Variants in PPP1R10 observed in about 807,000 individuals in gnomAD.
The protein encoded by PPP1R10 is protein phosphatase 1 regulatory subunit 10.
In PPP1R10, 15 loss-of-function variants were observed where a neutral mutation model predicts 99.0. The ratio of observed to expected loss-of-function variants is 0.15; its 90% CI spans 0.10 to 0.23. The LOEUF is 0.23. Among genes scored for constraint, PPP1R10 ranks in the 10% least tolerant of loss-of-function variants. PPP1R10 has a pLI of 1.00. For synonymous variants in PPP1R10, 430 were observed against 449.5 expected (o/e 0.96, Z 0.55); for missense variants, 947 against 1,259.4 (o/e 0.75, Z 3.75).
rs1345019262 is a variant in PPP1R10 at position 30,616,513 on chromosome 6, CA to C, written c.-48del. ...TTTTGCGACGTCAGCACCTCGGGCT[CA>C]GGGGGGAGGGGGTAAAATTTTGGAG... On this transcript the variant is annotated 5_prime_UTR_variant, in exon 2 of 20. Coordinates refer to ENST00000376511, the MANE Select transcript of PPP1R10 (RefSeq NM_002714.4). 2 of 152,288 alleles carry C rather than the reference CA, an allele frequency of 1.3e-5. No homozygotes were observed. Among genetic ancestry groups the C allele is most frequent in the South Asian group, 2.1e-4 (1 of 4,818 alleles). The allele number at this position is 152,288 out of a possible 1,614,324, so 9.4% of individuals were successfully genotyped here.
rs1264423 is a variant in PPP1R10 at position 30,603,694 on chromosome 6, T to C, written c.1573-28A>G. The C allele has an allele frequency of 0.55, 855,093 of 1,567,946 alleles. 241,630 individuals are homozygous for C. Among genetic ancestry groups the C allele is most frequent in the African/African-American group, 0.81 (58,588 of 72,684 alleles). Reference sequence around the variant, plus strand: ...GAAAGAAGAACAAAAAAAATCAGGATTGACAGAACAGAGACATTCTCATAT... The same window carrying C: ...GAAAGAAGAACAAAAAAAATCAGGACTGACAGAACAGAGACATTCTCATAT... On this transcript the variant is annotated intron_variant, in intron 15 of 19. Transcript: ENST00000376511.
chr6:30,611,092 T>C (rs1804505985), intron 2 of PPP1R10, among the ~76,000 whole-genome samples: 4 of 152,202 alleles, frequency 2.6e-5, no homozygotes, highest in Admixed American at 2.6e-4. Context: ...GCAGATTCCT[T>C]GAGCGCAGGA....
rs768684684 is a variant in PPP1R10, at chr6:30,601,965, C to T, written c.2684G>A (p.Gly895Glu). The T allele has an allele frequency of 6.0e-6, 9 of 1,512,150 alleles. No homozygotes were observed. The highest frequency in any genetic ancestry group is 8.0e-6 in the Non-Finnish European group (9 of 1,131,432). The allele number at this position is 1,512,150 out of a possible 1,614,324, so 93.7% of individuals were successfully genotyped here. The change falls in exon 19 of 20, where the codon GGG becomes GAG. Residue 895 changes from glycine to glutamate, a missense_variant. Gly to Glu is a moderately conservative substitution (Grantham distance 98). This residue lies in a region of PPP1R10 where 525 missense variants were observed against 578.8 expected (regional missense o/e 0.91). Transcript: ENST00000376511. ...TCCATGGCTGTGGCCTCCATCGTGC[C>T]CTCGGTGGCCCCCTCCCCCGTGGCC... ...GPGHGGGGHR[G>E]HDGGHSHGGD...
At chr6:30,612,086 A>G (rs961288321) in intron 2 of PPP1R10, among the ~76,000 whole-genome samples, 2 of 152,226 alleles carry the variant, frequency 1.3e-5, no homozygotes, top group Non-Finnish European at 2.9e-5. Context: ...TAAGCAATCA[A>G]GAGACTAAGA....
At position 30,606,359 on chromosome 6, in the gene PPP1R10, G is replaced by A. The variant is rs1257818022; in HGVS notation, c.634+109C>T. 6.4e-7 allele frequency: 1 copy of A among 1,568,032 alleles called. No individual in the cohort carries two copies. The highest frequency in any genetic ancestry group is 1.4e-5 in the African/African-American group (1 of 73,724). On this transcript the variant is annotated intron_variant, in intron 8 of 19. Coordinates refer to ENST00000376511, the MANE Select transcript of PPP1R10 (RefSeq NM_002714.4). This position sits in a 1 kb window ranked among gnomAD's most constrained non-coding sequence, Gnocchi z 6.3. ...CTTGTAACCAAAGCTTCCTCTGCTA[G>A]TCTTCCCTCTTCCTTACGATTAACA...
rs762610287 is a variant in PPP1R10, at chr6:30,608,855, G to A, written c.254C>T (p.Thr85Ile). Residue 85 changes from threonine (T) to isoleucine (I), a missense_variant, in exon 5 of 20, where the codon ACC becomes ATC. Coordinates refer to ENST00000376511, the MANE Select transcript of PPP1R10 (RefSeq NM_002714.4). Reference protein sequence around the residue: ...LNNWLTYSKTTNNIPLLQQIL... With the variant: ...LNNWLTYSKTINNIPLLQQIL... ...TTGCTGGAGGAGGGGAATGTTGTTG[G>A]TTGTCTTTGAATACGTCAGCCAATT... The A allele has an allele frequency of 5.6e-6, 9 of 1,614,030 alleles. No individual in the cohort carries two copies. The African/African-American group carries it at 1.1e-4, about 19-fold the overall frequency.
In PPP1R10 at chr6:30,603,592, T is replaced by C; in HGVS notation, c.1647A>G (p.Ala549=). The change falls in exon 16 of 20, where the codon GCA becomes GCG. Residue 549 remains alanine, a synonymous_variant. Coordinates refer to ENST00000376511, the MANE Select transcript of PPP1R10 (RefSeq NM_002714.4). The stretch of plus-strand genomic sequence containing the variant: ...GAACTGGAGGCAACTTGGAGCCTCC[T>C]GCCCCATCAGGTGAGCCACCTGACC... ...PGGSGGSPDG[A]GGSKLPPVLA... 6.2e-7 allele frequency: 1 copy of C among 1,614,058 alleles called. No individual in the cohort carries two copies. The highest frequency in any genetic ancestry group is 8.5e-7 in the Non-Finnish European group (1 of 1,179,988).
Position 30,602,432 on chromosome 6 carries a change from C to CCCTCGTCCATTTGGGGGTCCT in PPP1R10, c.2196_2216dup (p.Pro735_Pro741dup). On this transcript the variant is annotated inframe_insertion, in exon 19 of 20. Transcript: ENST00000376511. This position sits in a 1 kb window ranked among gnomAD's most constrained non-coding sequence, Gnocchi z 6.7. ...CTCCAACCATGCCCCCACCAGGGCC[C>CCCTCGTCCATTTGGGGGTCCT]CCTCGTCCATTTGGGGGTCCTCCTC... is the stretch of plus-strand genomic sequence containing the variant. 1 of 1,606,236 alleles carries CCCTCGTCCATTTGGGGGTCCT rather than the reference C, an allele frequency of 6.2e-7. No individual in the cohort carries two copies. The highest frequency in any genetic ancestry group is 1.1e-5 in the South Asian group (1 of 90,710).
Position 30,604,843 on chromosome 6 carries a change from ACT to A in PPP1R10, c.955-110_955-109del, listed in dbSNP as rs1285836293. 2.5e-5 allele frequency: 38 copies of A among 1,548,684 alleles called. 1 individual carries two copies. Among genetic ancestry groups the A allele is most frequent in the South Asian group, 1.1e-4 (10 of 89,746 alleles). The stretch of plus-strand genomic sequence containing the variant: ...CCCAACAGTTCCTATATAAAGGAAG[ACT>A]CTGTCTCCACAATGTCTCACCTGCA... On this transcript the variant is annotated intron_variant, in intron 11 of 19. Coordinates refer to ENST00000376511, the MANE Select transcript of PPP1R10 (RefSeq NM_002714.4). The surrounding 1 kb of genome is among the most constrained non-coding windows in gnomAD (Gnocchi z 7.3).
At position 30,602,767 on chromosome 6, in the gene PPP1R10, A is replaced by T; in HGVS notation, c.1958-76T>A. On this transcript the variant is annotated intron_variant, in intron 18 of 19. Coordinates refer to ENST00000376511, the MANE Select transcript of PPP1R10 (RefSeq NM_002714.4). The surrounding 1 kb of genome is among the most constrained non-coding windows in gnomAD (Gnocchi z 6.7). ...CTCCCAACCTAAACCACCACCTCCC[A>T]CCTTCCAGTCAATCCTATACTATTA... 6.4e-7 allele frequency: 1 copy of T among 1,558,108 alleles called. No homozygotes were observed. Among genetic ancestry groups the T allele is most frequent in the Non-Finnish European group, 8.7e-7 (1 of 1,146,602 alleles).
intron 14 of PPP1R10, 78 bp from the exon 15 acceptor site, chr6:30,603,921 C>A (rs185102300): frequency 2.6e-4 from 396 of 1,522,700 alleles, no homozygotes; most frequent in Non-Finnish European, 3.2e-4. Context: ...TAATTTCTAA[C>A]CTCCACCCCG....
chr6:30,601,515 C>G lies in PPP1R10; in HGVS notation c.*34G>C. On this transcript the variant is annotated 3_prime_UTR_variant, in exon 20 of 20. Coordinates refer to ENST00000376511, the MANE Select transcript of PPP1R10 (RefSeq NM_002714.4). ...GTGGAAAGAGCGAGGCTGCAGTCCA[C>G]AGGGGTTGTGTGAACAGGGCAGGCA... The G allele has an allele frequency of 6.4e-7, 1 of 1,573,990 alleles. No homozygotes were observed. The highest frequency in any genetic ancestry group is 8.7e-7 in the Non-Finnish European group (1 of 1,144,042).
chr6:30,604,633 C>G lies in PPP1R10; in HGVS notation c.1057G>C (p.Gly353Arg), dbSNP rs1284027105. ...ACTTCAACAGGGGGAACCGGGGTGC[C>G]TGGACGGTCTGCGTCCATTGCCTCA... is the stretch of plus-strand genomic sequence containing the variant. ...PSEAMDADRPGTPVPPVEVPE... is the reference protein window; with the variant it reads ...PSEAMDADRPRTPVPPVEVPE... The change falls in exon 12 of 20, where the codon GGC (glycine) becomes CGC (arginine). Residue 353 changes from glycine (G) to arginine (R), a missense_variant. By Grantham distance (125) the Gly-to-Arg change is moderately radical (BLOSUM62 -2). This residue lies in a region of PPP1R10 where 100 missense variants were observed against 105.8 expected (regional missense o/e 0.94). Coordinates refer to ENST00000376511, the MANE Select transcript of PPP1R10 (RefSeq NM_002714.4). This position sits in a 1 kb window ranked among gnomAD's most constrained non-coding sequence, Gnocchi z 7.3. 2 of 1,613,006 alleles carry G rather than the reference C, an allele frequency of 1.2e-6. No homozygotes were observed. The highest frequency in any genetic ancestry group is 1.7e-6 in the Non-Finnish European group (2 of 1,180,054).
Position 30,606,283 on chromosome 6 carries a change from C to A in PPP1R10, c.635-40G>T, listed in dbSNP as rs566011522. 6.2e-7 allele frequency: 1 copy of A among 1,605,352 alleles called. No individual in the cohort carries two copies. The highest frequency in any genetic ancestry group is 8.5e-7 in the Non-Finnish European group (1 of 1,174,286). ...ACGGTGTGGGCAGCTGAACTCAAAC[C>A]CCAGACCCCCGAATTTTCCTCCCGT... On this transcript the variant is annotated intron_variant, in intron 8 of 19. Coordinates refer to ENST00000376511, the MANE Select transcript of PPP1R10 (RefSeq NM_002714.4). This position sits in a 1 kb window ranked among gnomAD's most constrained non-coding sequence, Gnocchi z 6.3.
intron 2 of PPP1R10, among the ~76,000 whole-genome samples, chr6:30,611,396 A>AG (rs35790032): frequency 6.6e-6 from 1 of 152,244 alleles, no homozygotes; most frequent in Non-Finnish European, 1.5e-5. Flanking sequence ...CTGAGTAGCA[A>AG]GGAAGAGGCA....
chr6:30,606,992 T>C lies in PPP1R10; in HGVS notation c.383-136A>G. On this transcript the variant is annotated intron_variant, in intron 6 of 19. Coordinates refer to ENST00000376511, the MANE Select transcript of PPP1R10 (RefSeq NM_002714.4). The surrounding 1 kb of genome is among the most constrained non-coding windows in gnomAD (Gnocchi z 6.3). ...GTAACCCAAAGTTTTAAGAAGAACATGAGATATGCTTAAAAACCAAACCCT... is the reference window on the plus strand; with the variant it reads ...GTAACCCAAAGTTTTAAGAAGAACACGAGATATGCTTAAAAACCAAACCCT... The C allele has an allele frequency of 1.3e-6, 1 of 758,444 alleles. No individual in the cohort carries two copies. Among genetic ancestry groups the C allele is most frequent in the African/African-American group, 1.8e-5 (1 of 56,538 alleles). 47.0% of individuals were successfully genotyped at this position (758,444 alleles called of 1,614,324 possible).
At position 30,603,850 on chromosome 6, in the gene PPP1R10, G is replaced by C; in HGVS notation, c.1509-7C>G. 1 of 1,532,714 alleles carries C rather than the reference G, an allele frequency of 6.5e-7. No individual in the cohort carries two copies. The highest frequency in any genetic ancestry group is 8.7e-7 in the Non-Finnish European group (1 of 1,142,944). The allele number at this position is 1,532,714 out of a possible 1,614,324, so 94.9% of individuals were successfully genotyped here. A position where few individuals can be genotyped will look rare whatever the true frequency, so the allele number is the denominator to read the frequency against. ...AGGATCAGGCTCATGAGGACTATCA[G>C]GAACAACACAGGTGAGAGAAAAAAG... On this transcript the variant is annotated splice_polypyrimidine_tract_variant and splice_region_variant and intron_variant, in intron 14 of 19. Transcript: ENST00000376511.
Position 30,611,587 on chromosome 6 carries a change from T to C in PPP1R10, c.-11-1632A>G, listed in dbSNP as rs1265633865. ...CTCAAACAAAAGAAAAAACATAGCA[T>C]AACAATCTCAGCCTTTTTGTCCTCC... On this transcript the variant is annotated intron_variant, in intron 2 of 19. Coordinates refer to ENST00000376511, the MANE Select transcript of PPP1R10 (RefSeq NM_002714.4). Among the ~76,000 whole-genome samples the C allele has an allele frequency of 2.0e-5, 3 of 152,180 alleles. No individual in the cohort carries two copies. In the East Asian group the frequency reaches 5.8e-4, roughly 29 times the overall value.
intron 2 of PPP1R10, among the ~76,000 whole-genome samples, chr6:30,615,120 A>C (rs1270853417): frequency 6.6e-6 from 1 of 152,132 alleles, no homozygotes; most frequent in East Asian, 1.9e-4. Flanking sequence ...GGGGGAGAAA[A>C]ACAACAAAGA....
Sources: gnomAD v4.1 joint callset for allele counts (sites outside exome capture counted in the v4.1 genomes callset) on GRCh38, gnomAD v4.1.1 for gene constraint, gnomAD v4.1.1 regional missense constraint, Gnocchi (gnomAD v3.1) non-coding constraint, MANE v1.5 for transcripts, NCBI Gene and HGNC (gene_info 2026-07-23, HGNC 2026-07-21) for gene names.